CCDC180: variants seen among roughly 807,000 people sequenced by gnomAD.
CCDC180 encodes the protein coiled-coil domain-containing protein 180.
Under a neutral mutation model 209.2 loss-of-function variants are expected in CCDC180, and 154 were observed. The observed-to-expected ratio is 0.74, with a 90% confidence interval of 0.65 to 0.84. The LOEUF (loss-of-function observed/expected upper bound fraction) is 0.84, where lower values mean the gene tolerates loss of function less well. Ranked by LOEUF, CCDC180 falls within the 40% of genes least tolerant of loss-of-function variation. The pLI, the probability that CCDC180 is intolerant of heterozygous loss-of-function variation, is 0.00. For synonymous variants in CCDC180, 778 were observed against 749.1 expected, an observed-to-expected ratio of 1.04 and a Z score of -0.63; for missense variants, 1,874 against 1,997.3, an observed-to-expected ratio of 0.94 and a Z score of 1.18.
intron 19 of CCDC180, among the ~76,000 whole-genome samples, chr9:97,345,409 G>C (rs1826225593): frequency 6.6e-6 from 1 of 152,172 alleles, no homozygotes; most frequent in Non-Finnish European, 1.5e-5. Flanking sequence ...TTCTGATATA[G>C]TTATAGTGGT....
chr9:97,347,548 C>T, intron 20 of CCDC180, 59 bp downstream of exon 20: 1 of 1,470,872 alleles, frequency 6.8e-7, no homozygotes, highest in Admixed American at 2.0e-5. Flanking sequence ...AGCGTCTGCT[C>T]CACCGCGGCT....
chr9:97,340,935 C>T (rs980419559), intron 18 of CCDC180, among the ~76,000 whole-genome samples: 2 of 152,218 alleles, frequency 1.3e-5, no homozygotes, highest in African/African-American at 4.8e-5. Flanking sequence ...TCAGTGGTCA[C>T]GCTCCTAGTC....
intron 18 of CCDC180, among the ~76,000 whole-genome samples, chr9:97,340,333 C>T (rs1826039152): frequency 6.6e-6 from 1 of 152,150 alleles, no homozygotes; most frequent in African/African-American, 2.4e-5. Context: ...TGGTGACCTA[C>T]AGATGGGGTT....
upstream of CCDC180, chr9:97,307,403 C>T (rs780569948): frequency 5.5e-6 from 3 of 548,612 alleles, no homozygotes; most frequent in South Asian, 1.6e-5. Context: ...GCGGCCAGGC[C>T]GGACGCAAGG....
Position 97,374,532 on chromosome 9 carries a change from T to G in CCDC180, c.4601-11T>G. The G allele has an allele frequency of 6.2e-7, 1 of 1,608,480 alleles. No homozygotes were observed. The highest frequency in any genetic ancestry group is 8.5e-7 in the Non-Finnish European group (1 of 1,175,446). ...TGAGGCTGCAGTCACTAGCCTGTCTTTTGCCTCTAGGGATGGAGCCCCCCA... is the reference window on the plus strand; with the variant it reads ...TGAGGCTGCAGTCACTAGCCTGTCTGTTGCCTCTAGGGATGGAGCCCCCCA... On this transcript the variant is annotated splice_polypyrimidine_tract_variant and intron_variant, in intron 34 of 36. Transcript: ENST00000529487.
At chr9:97,327,588 T>C (rs1833575379) in intron 15 of CCDC180, among the ~76,000 whole-genome samples, 1 of 152,182 alleles carries the variant, frequency 6.6e-6, no homozygotes, top group Non-Finnish European at 1.5e-5. Flanking sequence ...CACTGCCAAT[T>C]GATTGCAGTA....
At chr9:97,326,722 C>T (rs2118654233) in intron 15 of CCDC180, 53 bp downstream of exon 15, 2 of 1,166,778 alleles carry the variant, frequency 1.7e-6, no homozygotes, top group Non-Finnish European at 2.6e-6. Flanking sequence ...AATTCATCTT[C>T]AAGGTCAAGG....
At chr9:97,308,209 C>T in intron 2 of CCDC180, 77 bp downstream of exon 2, 5 of 1,331,766 alleles carry the variant, frequency 3.8e-6, no homozygotes, top group Non-Finnish European at 5.0e-6. Flanking sequence ...CCTCCCAGGG[C>T]TTCCCTACTG....
At chr9:97,350,183 A>G (rs767199698) in intron 21 of CCDC180, among the ~76,000 whole-genome samples, 1 of 146,594 alleles carries the variant, frequency 6.8e-6, no homozygotes, top group Non-Finnish European at 1.5e-5. Context: ...CAAACTGGTC[A>G]CCCATCAGCG....
intron 34 of CCDC180, chr9:97,372,963 TGACATGGAAA>T (rs1216983376): frequency 6.6e-6 from 1 of 152,188 alleles, no homozygotes; most frequent in African/African-American, 2.4e-5. Context: ...CTGCATGTGC[TGACATGGAAA>T]GACATGAAGG....
At position 97,362,349 on chromosome 9, in the gene CCDC180, C is replaced by G; in HGVS notation, c.3810C>G (p.Pro1270=). The G allele has an allele frequency of 6.2e-7, 1 of 1,614,070 alleles. No individual in the cohort carries two copies. Among genetic ancestry groups the G allele is most frequent in the Non-Finnish European group, 8.5e-7 (1 of 1,180,006 alleles). The change falls in exon 28 of 37, where the codon CCC becomes CCG. Residue 1270 remains proline (P), a synonymous_variant. Transcript: ENST00000529487. ...SPPVLCSCPG[P]SSPKGFKRHR... is the part of the protein sequence containing the mutation. Reference sequence around the variant, plus strand: ...CTGTCCTCTGCTCCTGTCCTGGGCCCTCGTCACCCAAAGGCTTCAAGCGAC... The same window carrying G: ...CTGTCCTCTGCTCCTGTCCTGGGCCGTCGTCACCCAAAGGCTTCAAGCGAC...
rs190632166 is a variant in CCDC180 at position 97,362,318 on chromosome 9, C to T, written c.3779C>T (p.Ser1260Leu). Residue 1260 changes from serine to leucine, a missense_variant, in exon 28 of 37, where the codon TCA becomes TTA. Transcript: ENST00000529487. The part of the protein sequence containing the change: ...SEAGAGGAVC[S>L]PPVLCSCPGP... Reference sequence around the variant, plus strand: ...GCAGGGGCTGGTGGTGCTGTGTGCTCACCTCCTGTCCTCTGCTCCTGTCCT... The same window carrying T: ...GCAGGGGCTGGTGGTGCTGTGTGCTTACCTCCTGTCCTCTGCTCCTGTCCT... 3.7e-6 allele frequency: 6 copies of T among 1,614,110 alleles called. No homozygotes were observed. The East Asian group carries it at 8.9e-5, about 24-fold the overall frequency.
chr9:97,376,196 G>A (rs1176142798), intron 36 of CCDC180: 1 of 156,550 alleles, frequency 6.4e-6, no homozygotes, highest in South Asian at 1.9e-4. Flanking sequence ...GCTACACCCA[G>A]TTGCCACTTG....
rs750446091 is a variant in CCDC180, at chr9:97,343,323, T to C, written c.2275-17T>C. The C allele has an allele frequency of 1.1e-5, 17 of 1,502,876 alleles. No homozygotes were observed. In the African/African-American group the frequency reaches 2.1e-4, roughly 18 times the overall value. The allele number at this position is 1,502,876 out of a possible 1,614,324, so 93.1% of individuals were successfully genotyped here. On this transcript the variant is annotated splice_polypyrimidine_tract_variant and intron_variant, in intron 18 of 36. Transcript: ENST00000529487. The stretch of plus-strand genomic sequence containing the variant: ...TTTGATGATATCAAGTCAACTTTAG[T>C]GTTATTGCCTGCTTAGGAAGAAGAC...
chr9:97,348,183 T>A (rs1826328150), intron 20 of CCDC180, among the ~76,000 whole-genome samples: 1 of 151,986 alleles, frequency 6.6e-6, no homozygotes, highest in African/African-American at 2.4e-5. Flanking sequence ...ACCCAAATTA[T>A]ACTCCAACTC....
chr9:97,375,197 G>A (rs546518579), intron 35 of CCDC180, among the ~76,000 whole-genome samples: 1 of 152,286 alleles, frequency 6.6e-6, no homozygotes, highest in East Asian at 1.9e-4. Context: ...TCAGAAAGGG[G>A]AGCAACTTGA....
chr9:97,348,025 C>T (rs1185556092), intron 20 of CCDC180, among the ~76,000 whole-genome samples: 3 of 151,846 alleles, frequency 2.0e-5, no homozygotes, highest in Non-Finnish European at 4.4e-5. Context: ...GATACAGCCT[C>T]CAAAAGTGGT....
intron 22 of CCDC180, among the ~76,000 whole-genome samples, chr9:97,353,204 C>T (rs1391597606): frequency 6.6e-6 from 1 of 152,086 alleles, no homozygotes; most frequent in African/African-American, 2.4e-5. Context: ...ACCATAGTGG[C>T]CAGGCTGGTC....
At chr9:97,325,831 CAG>C in intron 14 of CCDC180, among the ~76,000 whole-genome samples, 1 of 152,352 alleles carries the variant, frequency 6.6e-6, no homozygotes, top group East Asian at 1.9e-4. Flanking sequence ...AAGCCACTGA[CAG>C]AGTGAAACCT....
Sources: allele counts gnomAD v4.1 joint callset (sites outside exome capture counted in the v4.1 genomes callset), GRCh38; gene constraint gnomAD v4.1.1; transcripts MANE v1.5; gene names NCBI Gene and HGNC (gene_info 2026-07-23, HGNC 2026-07-21).